C13orf46: variants seen among roughly 807,000 people sequenced by gnomAD.
C13orf46 encodes the protein chromosome 13 open reading frame 46.
the C13orf46 span, among the ~76,000 whole-genome samples, chr13:113,943,437 C>T: frequency 6.6e-6 from 1 of 152,130 alleles, no homozygotes. Flanking sequence ...TATCTAAAGA[C>T]CTGGGATCAA....
intron 1 of C13orf46, among the ~76,000 whole-genome samples, chr13:113,973,474 T>C (rs1248697390): frequency 6.6e-6 from 1 of 152,174 alleles, no homozygotes; most frequent in Non-Finnish European, 1.5e-5. Flanking sequence ...AGTGAAAGGC[T>C]GATCGAGACC....
At chr13:113,970,904 T>C (rs1168623708) in intron 1 of C13orf46, among the ~76,000 whole-genome samples, 3 of 152,100 alleles carry the variant, frequency 2.0e-5, no homozygotes, top group Non-Finnish European at 2.9e-5. Context: ...GGCCACCGGC[T>C]TGCACCGAGC....
chr13:113,955,741 GTC>G lies in C13orf46; in HGVS notation c.*1030_*1031del, dbSNP rs2052523798. ...GTGTCTGGCAGAGACGAGGAGTAGT[GTC>G]TGGCAGAGAGGAGGAGCATCCGGCG... is the stretch of plus-strand genomic sequence containing the variant. On this transcript the variant is annotated 3_prime_UTR_variant, in exon 7 of 7. Transcript: ENST00000636427. The G allele has an allele frequency of 7.9e-6, 1 of 126,586 alleles. No homozygotes were observed. Among genetic ancestry groups the G allele is most frequent in the Admixed American group, 8.8e-5 (1 of 11,312 alleles). The allele number at this position is 126,586 out of a possible 1,614,324, so 7.8% of individuals were successfully genotyped here.
chr13:113,966,468 G>A lies in C13orf46; in HGVS notation c.504+873C>T, dbSNP rs2052649754. Among the ~76,000 whole-genome samples the A allele has an allele frequency of 2.6e-5, 4 of 151,688 alleles. No individual in the cohort carries two copies. In the South Asian group the frequency reaches 8.4e-4, roughly 32 times the overall value. On this transcript the variant is annotated intron_variant, in intron 5 of 6. Transcript: ENST00000636427. ...TAATGGTGATGATGACGGTGGTGAT[G>A]ATTATAATGGTGATGATGATGGTGA...
chr13:113,927,678 C>T, the C13orf46 span: 1 of 398,590 alleles, frequency 2.5e-6, no homozygotes, highest in Non-Finnish European at 4.4e-6. Flanking sequence ...ATAACTGTGA[C>T]TAAGTTAGAA....
chr13:113,933,008 G>T, the C13orf46 span, among the ~76,000 whole-genome samples: 1 of 152,080 alleles, frequency 6.6e-6, no homozygotes, highest in Non-Finnish European at 1.5e-5. Flanking sequence ...GGGATTACAA[G>T]CACATGCCAC....
intron 6 of C13orf46, among the ~76,000 whole-genome samples, chr13:113,959,170 G>A (rs1195551574): frequency 6.6e-6 from 1 of 152,194 alleles, no homozygotes; most frequent in Non-Finnish European, 1.5e-5. Context: ...TACTTGGGAG[G>A]CTGAGGCAGG....
At chr13:113,971,454 C>A (rs2052704357) in intron 1 of C13orf46, among the ~76,000 whole-genome samples, 1 of 152,220 alleles carries the variant, frequency 6.6e-6, no homozygotes, top group Non-Finnish European at 1.5e-5. Flanking sequence ...GAGCGCAGAG[C>A]CTTTGCAGAA....
At chr13:113,931,302 G>A in the C13orf46 span, among the ~76,000 whole-genome samples, 2 of 152,344 alleles carry the variant, frequency 1.3e-5, no homozygotes, top group Admixed American at 1.3e-4. Flanking sequence ...ACGTCTGAGA[G>A]GCTCACTTTG....
At chr13:113,942,464 C>T in the C13orf46 span, among the ~76,000 whole-genome samples, 93 of 152,294 alleles carry the variant, frequency 6.1e-4, no homozygotes, top group African/African-American at 1.4e-3. Flanking sequence ...AGAGGAAGGA[C>T]GGCGATTTGA....
the C13orf46 span, among the ~76,000 whole-genome samples, chr13:113,933,440 ATTC>A: frequency 3.5e-4 from 53 of 152,338 alleles, no homozygotes; most frequent in African/African-American, 9.6e-4. Flanking sequence ...AGTAATATAA[ATTC>A]TTCAACTCTG....
chr13:113,928,117 A>T, the C13orf46 span: 2 of 152,680 alleles, frequency 1.3e-5, no homozygotes, highest in East Asian at 3.8e-4. Flanking sequence ...AGTGACAATT[A>T]TTCATTGCGT....
intron 1 of C13orf46, among the ~76,000 whole-genome samples, chr13:113,971,830 C>T (rs9796214): frequency 0.3 from 45,603 of 152,122 alleles, 7,706 homozygotes; most frequent in East Asian, 0.45. Context: ...CAGCAAGGCC[C>T]GGCCCTTCTC....
At position 113,960,038 on chromosome 13, in the gene C13orf46, G is replaced by T. The variant is rs1421445765; in HGVS notation, c.573-3199C>A. 2.6e-5 allele frequency among the ~76,000 whole-genome samples: 4 copies of T among 152,248 alleles called. No homozygotes were observed. The South Asian group carries it at 8.3e-4, about 32-fold the overall frequency. On this transcript the variant is annotated intron_variant, in intron 6 of 6. Coordinates refer to ENST00000636427, the MANE Select transcript of C13orf46 (RefSeq NM_001365455.2). ...GAGGCCAAGGCAGGCAGATCATGAG[G>T]TCAGGAGATCGAGACCATCCTGGCT... is the stretch of plus-strand genomic sequence containing the variant.
At chr13:113,949,260 T>C (rs1236934926), downstream of C13orf46, among the ~76,000 whole-genome samples, 1 of 152,206 alleles carries the variant, frequency 6.6e-6, no homozygotes, top group Non-Finnish European at 1.5e-5. Context: ...ATAATAAGCA[T>C]GATTGTACGT....
Position 113,956,621 on chromosome 13 carries a change from G to C in C13orf46, c.*152C>G, listed in dbSNP as rs2052536960. 1 of 152,440 alleles carries C rather than the reference G, an allele frequency of 6.6e-6. No individual in the cohort carries two copies. The highest frequency in any genetic ancestry group is 2.4e-5 in the African/African-American group (1 of 41,562). The allele number at this position is 152,440 out of a possible 1,614,324, so 9.4% of individuals were successfully genotyped here. ...CCAGGCCTGGCCAGTCCCACAAGAA[G>C]AAAACAGAAACCTCAGTGCCTGGCA... On this transcript the variant is annotated 3_prime_UTR_variant, in exon 7 of 7. Coordinates refer to ENST00000636427, the MANE Select transcript of C13orf46 (RefSeq NM_001365455.2).
chr13:113,947,173 G>A, the C13orf46 span, among the ~76,000 whole-genome samples: 13 of 152,352 alleles, frequency 8.5e-5, no homozygotes, highest in South Asian at 2.7e-3. Flanking sequence ...CTGCGTGCTT[G>A]GAGGAAACGC....
intron 1 of C13orf46, among the ~76,000 whole-genome samples, chr13:113,971,414 C>T (rs1475558667): frequency 6.6e-6 from 1 of 152,224 alleles, no homozygotes; most frequent in Non-Finnish European, 1.5e-5. Context: ...CTGCCCCCAA[C>T]AGAGAAGCCA....
chr13:113,931,122 A>C, the C13orf46 span, among the ~76,000 whole-genome samples: 5 of 152,228 alleles, frequency 3.3e-5, 1 homozygote, highest in South Asian at 1.0e-3. Flanking sequence ...AGCCATCCCC[A>C]CCACCCAGGC....
Sources: gnomAD v4.1 joint callset for allele counts (sites outside exome capture counted in the v4.1 genomes callset) on GRCh38, gnomAD v4.1.1 for gene constraint, MANE v1.5 for transcripts, NCBI Gene and HGNC (gene_info 2026-07-23, HGNC 2026-07-21) for gene names.